HMCN1: variants seen among roughly 807,000 people sequenced by gnomAD.
HMCN1 encodes the protein hemicentin 1, also known as hemicentin-1.
Under a neutral mutation model 625.9 loss-of-function variants are expected in HMCN1, and 321 were observed. The ratio of observed to expected loss-of-function variants is 0.51; its 90% CI spans 0.47 to 0.56. The LOEUF (loss-of-function observed/expected upper bound fraction) is 0.56. Ranked by LOEUF, HMCN1 falls within the 20% of genes least tolerant of loss-of-function variation. HMCN1 has a pLI of 0.00. For synonymous variants in HMCN1, 2,425 were observed against 2,417.6 expected (o/e 1.00, Z -0.09); for missense variants, 6,588 against 6,887.3 (o/e 0.96, Z 1.54).
chr1:186,098,637 A>T (rs1558222204), intron 68 of HMCN1, among the ~76,000 whole-genome samples: 1 of 152,060 alleles, frequency 6.6e-6, no homozygotes, highest in Non-Finnish European at 1.5e-5. Context: ...GTTCCTAAAA[A>T]AATTAAGAAT....
intron 15 of HMCN1, 151 bp from the exon 16 acceptor site, chr1:185,977,636 A>G (rs1412543095): frequency 1.6e-6 from 1 of 640,682 alleles, no homozygotes; most frequent in Non-Finnish European, 2.8e-6. Context: ...CACTGTTTTT[A>G]CCTAAGAGAG....
chr1:185,802,649 G>A (rs1332545717), intron 1 of HMCN1, among the ~76,000 whole-genome samples: 1 of 152,140 alleles, frequency 6.6e-6, no homozygotes, highest in Non-Finnish European at 1.5e-5. Context: ...ACCAAATGCT[G>A]TTGAGAGACC....
chr1:185,878,370 T>G (rs1664086691), intron 4 of HMCN1, among the ~76,000 whole-genome samples: 1 of 152,222 alleles, frequency 6.6e-6, no homozygotes, highest in African/African-American at 2.4e-5. Context: ...TGATGTTACC[T>G]GTGGATCTGT....
intron 38 of HMCN1, among the ~76,000 whole-genome samples, chr1:186,039,387 G>A (rs1243277466): frequency 6.6e-6 from 1 of 151,776 alleles, no homozygotes; most frequent in Non-Finnish European, 1.5e-5. Context: ...TGCAGTGAAG[G>A]GGGTACACAC....
chr1:185,965,978 G>A, intron 14 of HMCN1, 63 bp downstream of exon 14: 1 of 1,058,024 alleles, frequency 9.5e-7, no homozygotes, highest in Non-Finnish European at 1.5e-6. Context: ...TAAAAAAAAT[G>A]ATTTGTTAAA....
chr1:185,833,752 A>T (rs930083962), intron 1 of HMCN1, among the ~76,000 whole-genome samples: 1 of 152,062 alleles, frequency 6.6e-6, no homozygotes, highest in Admixed American at 6.6e-5. Context: ...ATAATATTTT[A>T]AGGATTTTAT....
At chr1:185,758,407 G>T (rs999694298) in intron 1 of HMCN1, among the ~76,000 whole-genome samples, 8 of 152,190 alleles carry the variant, frequency 5.3e-5, no homozygotes, top group African/African-American at 1.9e-4. Flanking sequence ...AGGCCAAGGT[G>T]GGTGGCTTAC....
chr1:186,051,197 A>G (rs1181119220), intron 42 of HMCN1, among the ~76,000 whole-genome samples: 3 of 152,098 alleles, frequency 2.0e-5, no homozygotes, highest in African/African-American at 7.2e-5. Context: ...TAAAGGTGAT[A>G]GAATAAACTA....
Position 185,992,698 on chromosome 1 carries a change from A to C in HMCN1, c.3378-484A>C, listed in dbSNP as rs905166129. Among the ~76,000 whole-genome samples the C allele has an allele frequency of 7.2e-5, 11 of 152,276 alleles. No homozygotes were observed. The East Asian group carries it at 2.1e-3, about 29-fold the overall frequency. On this transcript the variant is annotated intron_variant, in intron 22 of 106. Coordinates refer to ENST00000271588, the MANE Select transcript of HMCN1 (RefSeq NM_031935.3). ...ATCTTGGTACTAGGTAGGTCTACCT[A>C]GCCTCCCCTATCCTTTAAAACTATT...
intron 1 of HMCN1, among the ~76,000 whole-genome samples, chr1:185,835,862 G>C (rs1303811271): frequency 6.6e-6 from 1 of 152,104 alleles, no homozygotes; most frequent in Admixed American, 6.6e-5. Context: ...AAATTGGGCT[G>C]TGGTAGATTT....
intron 36 of HMCN1, among the ~76,000 whole-genome samples, chr1:186,025,994 G>A (rs993244720): frequency 6.6e-6 from 1 of 152,180 alleles, no homozygotes; most frequent in Non-Finnish European, 1.5e-5. Flanking sequence ...CTTCTAATCT[G>A]ATACTAATTG....
At chr1:185,845,020 T>C (rs1344217913) in intron 1 of HMCN1, among the ~76,000 whole-genome samples, 1 of 152,220 alleles carries the variant, frequency 6.6e-6, no homozygotes, top group Admixed American at 6.5e-5. Flanking sequence ...CACCTTTTCC[T>C]GTTGGAAGAA....
chr1:186,137,222 T>C (rs1558251177), intron 87 of HMCN1, among the ~76,000 whole-genome samples: 2 of 152,204 alleles, frequency 1.3e-5, no homozygotes, highest in Admixed American at 1.3e-4. Flanking sequence ...AAGAATGACT[T>C]ATGTCCAAAA....
chr1:186,039,295 A>G (rs1386094258), intron 38 of HMCN1, among the ~76,000 whole-genome samples: 1 of 152,168 alleles, frequency 6.6e-6, no homozygotes, highest in Non-Finnish European at 1.5e-5. Context: ...TGAAAGAATC[A>G]TAGGTATTAA....
In HMCN1 at chr1:186,019,546, C is replaced by T; in HGVS notation, c.5476C>T (p.Pro1826Ser). The change falls in exon 35 of 107, where the codon CCA (proline) becomes TCA (serine). Residue 1826 changes from proline to serine, a missense_variant. Physicochemically the swap from Pro to Ser is moderately conservative, Grantham distance 74. Coordinates refer to ENST00000271588, the MANE Select transcript of HMCN1 (RefSeq NM_031935.3). ...TCCCCCTTCCTTAAATATAGTTCCT[C>T]CAACAATCAAGTCCTCAGGCCTTTC... ...KEFEVTVHVP[P>S]TIKSSGLSER... The T allele has an allele frequency of 1.9e-6, 3 of 1,608,932 alleles. No homozygotes were observed. Among genetic ancestry groups the T allele is most frequent in the Non-Finnish European group, 2.6e-6 (3 of 1,175,788 alleles).
chr1:185,990,169 T>G, intron 21 of HMCN1, 106 bp from the exon 22 acceptor site: 1 of 1,017,846 alleles, frequency 9.8e-7, no homozygotes, highest in Non-Finnish European at 1.6e-6. Context: ...AATAGCATCT[T>G]TTTATAAATT....
At chr1:185,765,444 T>C (rs1285927801) in intron 1 of HMCN1, among the ~76,000 whole-genome samples, 1 of 152,184 alleles carries the variant, frequency 6.6e-6, no homozygotes, top group Non-Finnish European at 1.5e-5. Context: ...GTAATAGTAA[T>C]AGCTGATCTT....
At chr1:186,175,863 T>G (rs1482228647) in intron 103 of HMCN1, among the ~76,000 whole-genome samples, 2 of 81,138 alleles carry the variant, frequency 2.5e-5, no homozygotes, top group East Asian at 2.6e-4. Context: ...ACAATAAGAG[T>G]GAAACTATGT....
At chr1:186,014,181 G>A (rs1654195671) in intron 30 of HMCN1, among the ~76,000 whole-genome samples, 1 of 151,898 alleles carries the variant, frequency 6.6e-6, no homozygotes, top group Non-Finnish European at 1.5e-5. Context: ...ACCTGTATGG[G>A]CTGCCTCTCA....
Sources: allele counts gnomAD v4.1 joint callset (sites outside exome capture counted in the v4.1 genomes callset), GRCh38; gene constraint gnomAD v4.1.1; transcripts MANE v1.5; gene names NCBI Gene and HGNC (gene_info 2026-07-23, HGNC 2026-07-21).